PSMD14: variants seen among roughly 807,000 people sequenced by gnomAD.
PSMD14 encodes proteasome 26S subunit, non-ATPase 14.
In PSMD14, 7 loss-of-function variants were observed where a neutral mutation model predicts 41.2. The observed-to-expected ratio is 0.17, with a 90% CI of 0.10 to 0.32. PSMD14 has a LOEUF of 0.32. Ranked by LOEUF, PSMD14 falls within the 10% of genes least tolerant of loss-of-function variation. PSMD14 has a pLI of 1.00. For synonymous variants in PSMD14, 114 were observed against 122.3 expected (o/e 0.93, Z 0.45); for missense variants, 139 against 375.6 (o/e 0.37, Z 5.21).
intron 3 of PSMD14, chr2:161,341,155 G>A: frequency 9.6e-7 from 1 of 1,039,112 alleles, no homozygotes; most frequent in Non-Finnish European, 1.2e-6. Context: ...GCGCAGGGGC[G>A]GGACGGCGCC....
intron 3 of PSMD14, 104 bp from the exon 4 acceptor site, chr2:161,367,374 G>C (rs1192112965): frequency 4.5e-6 from 4 of 885,456 alleles, no homozygotes; most frequent in Non-Finnish European, 6.9e-6. Flanking sequence ...GACATGTTTT[G>C]CAAAACTATT....
rs1430584297 is a variant in PSMD14 at position 161,342,141 on chromosome 2, T to C, written c.48+23268T>C. ...TTAAATCCTGATGGCCCTTTATTTC[T>C]TGCCTTACTGATCTGACTAGAACCT... On this transcript the variant is annotated intron_variant, in intron 3 of 11. Coordinates refer to ENST00000409682, the MANE Select transcript of PSMD14 (RefSeq NM_005805.6). Among the ~76,000 whole-genome samples, 3 of 152,182 alleles carry C rather than the reference T, an allele frequency of 2.0e-5. No homozygotes were observed. The South Asian group carries it at 6.2e-4, about 31-fold the overall frequency.
chr2:161,389,889 G>GTTGTTGTTT, intron 8 of PSMD14, among the ~76,000 whole-genome samples: 2 of 20,036 alleles, frequency 1.0e-4, no homozygotes, highest in Admixed American at 6.9e-4. Flanking sequence ...CTTTTTTGTT[G>GTTGTTGTTT]TTTTTTTTTT....
intron 3 of PSMD14, among the ~76,000 whole-genome samples, chr2:161,354,420 A>G (rs1216056413): frequency 1.3e-5 from 2 of 151,990 alleles, no homozygotes; most frequent in African/African-American, 2.4e-5. Flanking sequence ...TAATTTTTGT[A>G]GTTTTTTGTA....
At chr2:161,310,461 C>A (rs1689075678) in intron 1 of PSMD14, among the ~76,000 whole-genome samples, 1 of 152,126 alleles carries the variant, frequency 6.6e-6, no homozygotes, top group Non-Finnish European at 1.5e-5. Flanking sequence ...TGCTCAGGAA[C>A]TTGTCATATT....
intron 7 of PSMD14, among the ~76,000 whole-genome samples, chr2:161,380,662 C>T (rs967456603): frequency 4.6e-5 from 7 of 151,938 alleles, no homozygotes; most frequent in Non-Finnish European, 7.4e-5. Context: ...AAATAATTTC[C>T]GTGTTGCAAA....
At chr2:161,315,323 T>G (rs1309803536) in intron 1 of PSMD14, among the ~76,000 whole-genome samples, 2 of 152,234 alleles carry the variant, frequency 1.3e-5, no homozygotes, top group African/African-American at 4.8e-5. Flanking sequence ...CCTGGCTAAT[T>G]TTATTGTCAT....
intron 3 of PSMD14, among the ~76,000 whole-genome samples, chr2:161,343,102 A>G (rs908483297): frequency 2.6e-5 from 4 of 152,170 alleles, no homozygotes; most frequent in African/African-American, 9.7e-5. Flanking sequence ...TACCATTTTA[A>G]TCATTTTTAA....
At chr2:161,406,686 C>T (rs1252406377) in intron 10 of PSMD14, among the ~76,000 whole-genome samples, 1 of 152,086 alleles carries the variant, frequency 6.6e-6, no homozygotes, top group East Asian at 1.9e-4. Context: ...TGGGGGTTTG[C>T]AACCTTAGTA....
At chr2:161,366,213 C>T (rs1683355778) in intron 3 of PSMD14, among the ~76,000 whole-genome samples, 1 of 152,054 alleles carries the variant, frequency 6.6e-6, no homozygotes, top group Non-Finnish European at 1.5e-5. Context: ...ACTTTATTGC[C>T]TGGCATTTAT....
intron 3 of PSMD14, among the ~76,000 whole-genome samples, chr2:161,355,157 C>T (rs1290415292): frequency 1.3e-5 from 2 of 152,094 alleles, no homozygotes; most frequent in African/African-American, 4.8e-5. Context: ...TCTTGCTAAT[C>T]AAATTTTTAA....
chr2:161,389,188 T>G (rs554023416), intron 8 of PSMD14, among the ~76,000 whole-genome samples: 2 of 152,288 alleles, frequency 1.3e-5, no homozygotes, highest in Admixed American at 1.3e-4. Context: ...TGTGAGTCCA[T>G]TAACTGGCTT....
intron 1 of PSMD14, among the ~76,000 whole-genome samples, chr2:161,313,329 A>C (rs998097977): frequency 1.3e-5 from 2 of 152,144 alleles, no homozygotes; most frequent in Non-Finnish European, 2.9e-5. Context: ...AGCAAATACA[A>C]ATTTTTATTT....
chr2:161,316,930 A>G (rs1444325677), intron 2 of PSMD14, among the ~76,000 whole-genome samples: 1 of 152,324 alleles, frequency 6.6e-6, no homozygotes, highest in East Asian at 1.9e-4. Flanking sequence ...ATCAGAAACA[A>G]CACAGAGGGA....
At chr2:161,368,165 A>G (rs1683384446) in intron 5 of PSMD14, among the ~76,000 whole-genome samples, 1 of 151,712 alleles carries the variant, frequency 6.6e-6, no homozygotes, top group Non-Finnish European at 1.5e-5. Flanking sequence ...GGTGTAAAAT[A>G]CTGGATTTAA....
At chr2:161,380,311 A>G (rs1020628279) in intron 7 of PSMD14, among the ~76,000 whole-genome samples, 1 of 152,006 alleles carries the variant, frequency 6.6e-6, no homozygotes, top group Non-Finnish European at 1.5e-5. Flanking sequence ...GTTTTCTGTG[A>G]AACTTTATTT....
At chr2:161,327,986 G>GTGT (rs778631832) in intron 3 of PSMD14, among the ~76,000 whole-genome samples, 1 of 148,244 alleles carries the variant, frequency 6.7e-6, no homozygotes, top group Non-Finnish European at 1.5e-5. Context: ...GTGTGTGTGA[G>GTGT]ATGTTGGTTA....
intron 3 of PSMD14, among the ~76,000 whole-genome samples, chr2:161,329,342 T>C (rs1284975181): frequency 6.6e-6 from 1 of 152,174 alleles, no homozygotes; most frequent in Non-Finnish European, 1.5e-5. Context: ...GTCACATCTG[T>C]CATAAATACA....
chr2:161,400,288 T>C (rs939824686), intron 10 of PSMD14, among the ~76,000 whole-genome samples: 1 of 152,188 alleles, frequency 6.6e-6, no homozygotes, highest in African/African-American at 2.4e-5. Flanking sequence ...TGATTCATTG[T>C]GATTGCGATA....
Sources: allele counts gnomAD v4.1 joint callset (sites outside exome capture counted in the v4.1 genomes callset), GRCh38; gene constraint gnomAD v4.1.1; transcripts MANE v1.5; gene names NCBI Gene and HGNC (gene_info 2026-07-23, HGNC 2026-07-21).